ENDOV: variants seen among roughly 807,000 people sequenced by gnomAD.
ENDOV encodes the protein endonuclease V.
Under a neutral mutation model 39.4 loss-of-function variants are expected in ENDOV, and 37 were observed. The observed-to-expected ratio is 0.94, with a 90% confidence interval of 0.72 to 1.23. The LOEUF is 1.23. Ranked by LOEUF, ENDOV falls within the 50% of genes most tolerant of loss-of-function variation. ENDOV has a pLI of 0.00. For synonymous variants in ENDOV, 186 were observed against 163.4 expected (o/e 1.14, Z -1.05); for missense variants, 441 against 375.7 (o/e 1.17, Z -1.44).
intron 2 of ENDOV, chr17:80,419,298 G>T: frequency 2.4e-6 from 1 of 409,862 alleles, no homozygotes; most frequent in Non-Finnish European, 4.4e-6. Context: ...GCAGAGCTGG[G>T]CTGGAGAACC....
chr17:80,435,808 G>T (rs1021908648), intron 9 of ENDOV, among the ~76,000 whole-genome samples: 8 of 151,694 alleles, frequency 5.3e-5, no homozygotes, highest in African/African-American at 1.9e-4. Flanking sequence ...AGTAGAGACG[G>T]GGTTTCACCG....
Position 80,436,717 on chromosome 17 carries a change from G to T in ENDOV, c.*574G>T. On this transcript the variant is annotated 3_prime_UTR_variant, in exon 10 of 10. Transcript: ENST00000518137. ...TATTTATAAGGGATATTGGTCTGGT[G>T]TTTTCTTATGATGTCTTCCTTTGGT... The T allele has an allele frequency of 6.0e-6, 1 of 166,448 alleles. No individual in the cohort carries two copies. The highest frequency in any genetic ancestry group is 6.1e-5 in the Admixed American group (1 of 16,318). 10.3% of individuals were successfully genotyped at this position (166,448 alleles called of 1,614,324 possible). A position where few individuals can be genotyped will look rare whatever the true frequency, so the allele number is the denominator to read the frequency against.
chr17:80,436,520 A>T lies in ENDOV; in HGVS notation c.*377A>T. On this transcript the variant is annotated 3_prime_UTR_variant, in exon 10 of 10. Transcript: ENST00000518137. The stretch of plus-strand genomic sequence containing the variant: ...TTTGTCAAATGCTTTTCTGGCCTCT[A>T]TTGAAAAGATCCTGTGTTCTTCTGT... 2.3e-6 allele frequency: 1 copy of T among 439,278 alleles called. No homozygotes were observed. Among genetic ancestry groups the T allele is most frequent in the Non-Finnish European group, 3.8e-6 (1 of 263,420 alleles). The allele number at this position is 439,278 out of a possible 1,614,324, so 27.2% of individuals were successfully genotyped here.
chr17:80,415,750 G>C lies in ENDOV; in HGVS notation c.157G>C (p.Val53Leu), dbSNP rs746220237. 6.2e-7 allele frequency: 1 copy of C among 1,606,130 alleles called. No individual in the cohort carries two copies. The highest frequency in any genetic ancestry group is 8.5e-7 in the Non-Finnish European group (1 of 1,176,582). Residue 53 changes from valine (V) to leucine (L), a missense_variant, in exon 2 of 10, where the codon GTG becomes CTG. Physicochemically the swap from Val to Leu is conservative, Grantham distance 32. Coordinates refer to ENST00000518137, the MANE Select transcript of ENDOV (RefSeq NM_173627.5). ...TCTGCAGAGGGTCGGGGGCGTTGAC[G>C]TGTCCTTCGTGAAAGGGGACAGTGT... ...SGLQRVGGVD[V>L]SFVKGDSVRA...
At chr17:80,431,593 C>T (rs1011258380) in intron 9 of ENDOV, among the ~76,000 whole-genome samples, 6 of 152,298 alleles carry the variant, frequency 3.9e-5, no homozygotes, top group Admixed American at 6.5e-5. Context: ...CAGTGTGGGG[C>T]GAGAGGGAGC....
At chr17:80,429,390 C>T (rs4075784) in intron 8 of ENDOV, among the ~76,000 whole-genome samples, 25,891 of 152,198 alleles carry the variant, frequency 0.17, 3,530 homozygotes, top group African/African-American at 0.38. Flanking sequence ...GAGGACACCC[C>T]CACTCCCTAG....
At chr17:80,436,003 C>A (rs1208917025) in intron 9 of ENDOV, 130 bp from the exon 10 acceptor site, 1 of 1,006,268 alleles carries the variant, frequency 9.9e-7, no homozygotes, top group Non-Finnish European at 1.5e-6. Context: ...TTTCCTCCCA[C>A]CTCGGCCTCC....
chr17:80,428,434 C>T (rs1001576699), intron 7 of ENDOV, 162 bp from the exon 8 acceptor site: 7 of 681,222 alleles, frequency 1.0e-5, no homozygotes, highest in Admixed American at 2.7e-5. Context: ...CTGTCCCACA[C>T]TCGCTGACAG....
intron 7 of ENDOV, chr17:80,428,365 G>T (rs975826488): frequency 1.8e-6 from 1 of 563,562 alleles, no homozygotes; most frequent in African/African-American, 1.9e-5. Context: ...TTCAGGGACT[G>T]CCCAGCTCGG....
chr17:80,422,483 C>T (rs764574051), intron 4 of ENDOV, among the ~76,000 whole-genome samples: 1 of 152,202 alleles, frequency 6.6e-6, no homozygotes, highest in Non-Finnish European at 1.5e-5. Flanking sequence ...CCGCCACTGC[C>T]TTCTCTACAG....
intron 2 of ENDOV, chr17:80,417,399 T>G (rs182958616): frequency 6.6e-6 from 1 of 152,280 alleles, no homozygotes; most frequent in Non-Finnish European, 1.5e-5. Flanking sequence ...CGAGGACTTG[T>G]CCCTCAGCAC....
chr17:80,425,684 A>G lies in ENDOV; in HGVS notation c.714+64A>G, dbSNP rs1599406718. On this transcript the variant is annotated intron_variant, in intron 7 of 9. Coordinates refer to ENST00000518137, the MANE Select transcript of ENDOV (RefSeq NM_173627.5). Reference sequence around the variant, plus strand: ...CTCTGCTTCCTGCCACCTGCTGTTCAGGGCTCCCCAGCAGCTCAGCTGGGG... The same window carrying G: ...CTCTGCTTCCTGCCACCTGCTGTTCGGGGCTCCCCAGCAGCTCAGCTGGGG... 6 of 1,533,470 alleles carry G rather than the reference A, an allele frequency of 3.9e-6. No homozygotes were observed. The East Asian group carries it at 1.5e-4, about 37-fold the overall frequency. The allele number at this position is 1,533,470 out of a possible 1,614,324, so 95.0% of individuals were successfully genotyped here.
intron 9 of ENDOV, among the ~76,000 whole-genome samples, chr17:80,435,929 T>G (rs931309742): frequency 2.6e-5 from 4 of 151,996 alleles, no homozygotes; most frequent in Non-Finnish European, 5.9e-5. Context: ...TTTTTCAAGA[T>G]TTTTTTGTAA....
intron 3 of ENDOV, 44 bp from the exon 4 acceptor site, chr17:80,422,162 G>C (rs767387570): frequency 8.1e-6 from 13 of 1,612,228 alleles, no homozygotes; most frequent in African/African-American, 5.3e-5. Flanking sequence ...CCTGAGGGCC[G>C]AGGGGCAGCT....
At chr17:80,432,136 G>A (rs948404036) in intron 9 of ENDOV, among the ~76,000 whole-genome samples, 11 of 152,172 alleles carry the variant, frequency 7.2e-5, no homozygotes, top group African/African-American at 1.9e-4. Context: ...AGCTGCAGCC[G>A]TGTCCACCTG....
intron 9 of ENDOV, among the ~76,000 whole-genome samples, chr17:80,433,920 T>G (rs1599479113): frequency 6.6e-6 from 1 of 152,370 alleles, no homozygotes; most frequent in East Asian, 1.9e-4. Context: ...TTTATGTTTG[T>G]TTTGAGATAA....
At chr17:80,426,990 G>A (rs1325413397) in intron 7 of ENDOV, among the ~76,000 whole-genome samples, 1 of 152,262 alleles carries the variant, frequency 6.6e-6, no homozygotes, top group East Asian at 1.9e-4. Flanking sequence ...CAGCACCGGT[G>A]GAAAACCCCC....
rs202048384 is a variant in ENDOV at position 80,428,623 on chromosome 17, C to G, written c.742C>G (p.Arg248Gly). The change falls in exon 8 of 10, where the codon CGC becomes GGC. Residue 248 changes from arginine (R) to glycine (G), a missense_variant. By Grantham distance (125) the Arg-to-Gly change is moderately radical. Coordinates refer to ENST00000518137, the MANE Select transcript of ENDOV (RefSeq NM_173627.5). ...TGACATCTGCTCCCGAGAGCACATCCGCAAGTCGCTGGGACTCCCCGGGCC... is the reference window on the plus strand; with the variant it reads ...TGACATCTGCTCCCGAGAGCACATCGGCAAGTCGCTGGGACTCCCCGGGCC... ...QADICSREHI[R>G]KSLGLPGPPT... 7 of 1,586,244 alleles carry G rather than the reference C, an allele frequency of 4.4e-6. No homozygotes were observed. The highest frequency in any genetic ancestry group is 6.0e-6 in the Non-Finnish European group (7 of 1,166,840).
chr17:80,419,657 A>G (rs1343056906), intron 2 of ENDOV: 1 of 702,816 alleles, frequency 1.4e-6, no homozygotes, highest in South Asian at 1.5e-5. Context: ...GCTGCTGGAA[A>G]CAGCTGCCTG....
Sources: gnomAD v4.1 joint callset for allele counts (sites outside exome capture counted in the v4.1 genomes callset) on GRCh38, gnomAD v4.1.1 for gene constraint, MANE v1.5 for transcripts, NCBI Gene and HGNC (gene_info 2026-07-23, HGNC 2026-07-21) for gene names.